DIP2B: variants seen among roughly 807,000 people sequenced by gnomAD.
The protein encoded by DIP2B is disco-interacting protein 2 homolog B.
Under a neutral mutation model 198.0 loss-of-function variants are expected in DIP2B, and 76 were observed. That is an observed-to-expected ratio of 0.38 (90% CI 0.32 to 0.46). The LOEUF (loss-of-function observed/expected upper bound fraction) is 0.46, where lower values mean the gene tolerates loss of function less well. Ranked by LOEUF, DIP2B falls within the 20% of genes least tolerant of loss-of-function variation. DIP2B has a pLI of 0.99. For synonymous variants in DIP2B, 701 were observed against 739.1 expected, an observed-to-expected ratio of 0.95 and a Z score of 0.84; for missense variants, 1,559 against 1,978.4, an observed-to-expected ratio of 0.79 and a Z score of 4.02.
At chr12:50,739,942 G>A (rs936216962) in intron 36 of DIP2B, among the ~76,000 whole-genome samples, 1 of 152,234 alleles carries the variant, frequency 6.6e-6, no homozygotes, top group Admixed American at 6.5e-5. Flanking sequence ...CACTTGGGGA[G>A]CAGGAGGAAT....
At chr12:50,568,575 T>C (rs1035646854) in intron 1 of DIP2B, among the ~76,000 whole-genome samples, 2 of 152,178 alleles carry the variant, frequency 1.3e-5, no homozygotes, top group African/African-American at 4.8e-5. Context: ...TCCTTGGGTC[T>C]AAGCCAGGAG....
intron 3 of DIP2B, among the ~76,000 whole-genome samples, chr12:50,649,641 G>A (rs1468594121): frequency 6.6e-6 from 1 of 152,160 alleles, no homozygotes; most frequent in African/African-American, 2.4e-5. Context: ...ATCACTTGAG[G>A]TCAGGAGTTC....
intron 1 of DIP2B, among the ~76,000 whole-genome samples, chr12:50,594,578 G>A (rs773585364): frequency 3.9e-5 from 6 of 152,178 alleles, no homozygotes; most frequent in Non-Finnish European, 7.4e-5. Flanking sequence ...AGCTTGGTAC[G>A]TGTATTACCT....
intron 1 of DIP2B, among the ~76,000 whole-genome samples, chr12:50,575,713 G>A (rs1381396860): frequency 6.6e-6 from 1 of 151,848 alleles, no homozygotes; most frequent in Non-Finnish European, 1.5e-5. Context: ...TAGGTCAGGG[G>A]TCAGCAAACT....
chr12:50,571,735 G>A (rs1191276882), intron 1 of DIP2B, among the ~76,000 whole-genome samples: 1 of 151,638 alleles, frequency 6.6e-6, no homozygotes, highest in Non-Finnish European at 1.5e-5. Flanking sequence ...TGTATTTTTA[G>A]TAGAGACAGG....
chr12:50,599,287 G>A (rs1593644705), intron 1 of DIP2B, among the ~76,000 whole-genome samples: 1 of 131,948 alleles, frequency 7.6e-6, no homozygotes, highest in Admixed American at 8.3e-5. Flanking sequence ...GTGAGACCCT[G>A]TCTCAAAAAA....
At chr12:50,664,836 G>GTTTTTTTTTT (rs1159665939) in intron 4 of DIP2B, among the ~76,000 whole-genome samples, 3 of 15,926 alleles carry the variant, frequency 1.9e-4, no homozygotes, top group African/African-American at 4.3e-4. Context: ...TTTGGTTTTT[G>GTTTTTTTTTT]TTTTTTTTTT....
At chr12:50,674,333 C>T in intron 5 of DIP2B, 141 bp from the exon 6 acceptor site, 1 of 853,316 alleles carries the variant, frequency 1.2e-6, no homozygotes, top group Non-Finnish European at 1.8e-6. Context: ...CTAATAGATT[C>T]TGATTTTTAA....
chr12:50,732,516 A>T lies in DIP2B; in HGVS notation c.3961A>T (p.Asn1321Tyr). 1 of 1,614,216 alleles carries T rather than the reference A, an allele frequency of 6.2e-7. No individual in the cohort carries two copies. Among genetic ancestry groups the T allele is most frequent in the Non-Finnish European group, 8.5e-7 (1 of 1,180,032 alleles). Residue 1321 changes from asparagine to tyrosine, a missense_variant, in exon 32 of 38, where the codon AAT becomes TAT. Transcript: ENST00000301180. ...AVSTTFGSRV[N>Y]VAICLQGTSG... ...CAGCACCACTTTTGGATCAAGAGTC[A>T]ATGTAGCAATATGTTTACAGGTGAC...
chr12:50,660,123 A>G lies in DIP2B; in HGVS notation c.302-71A>G, dbSNP rs529505156. ...TTTTTTTTAAACAATTGAGGCAGTG[A>G]TAGTTCAGCTCACAGTGGTAAACAC... On this transcript the variant is annotated intron_variant, in intron 3 of 37. Transcript: ENST00000301180. The G allele has an allele frequency of 2.0e-5, 27 of 1,334,448 alleles. No homozygotes were observed. The Admixed American group carries it at 5.1e-4, about 25-fold the overall frequency. The allele number at this position is 1,334,448 out of a possible 1,614,324, so 82.7% of individuals were successfully genotyped here.
chr12:50,717,411 G>A (rs1237869241), intron 23 of DIP2B, among the ~76,000 whole-genome samples: 3 of 141,504 alleles, frequency 2.1e-5, no homozygotes, highest in African/African-American at 8.0e-5. Context: ...TGTCGCCCAG[G>A]CTGGAGTGCA....
intron 1 of DIP2B, among the ~76,000 whole-genome samples, chr12:50,615,070 T>C (rs780291994): frequency 3.3e-5 from 5 of 152,212 alleles, no homozygotes; most frequent in Admixed American, 6.5e-5. Flanking sequence ...GTGATTGGTA[T>C]AGATACTATT....
At chr12:50,565,488 G>A (rs985763105) in intron 1 of DIP2B, among the ~76,000 whole-genome samples, 5 of 152,110 alleles carry the variant, frequency 3.3e-5, no homozygotes, top group Non-Finnish European at 7.3e-5. Context: ...AGTAGAGACG[G>A]GGTTTCACTG....
intron 28 of DIP2B, 70 bp from the exon 29 acceptor site, chr12:50,727,633 C>T: frequency 6.9e-7 from 1 of 1,440,988 alleles, no homozygotes; most frequent in South Asian, 1.2e-5. Context: ...CATAGCAAAG[C>T]CACAGAAGAG....
chr12:50,556,007 CTCT>C (rs140866669), intron 1 of DIP2B, among the ~76,000 whole-genome samples: 1,620 of 152,244 alleles, frequency 0.011, 32 homozygotes, highest in African/African-American at 0.037. Flanking sequence ...TGTCCTGCTT[CTCT>C]TCTTCTTGCT....
intron 1 of DIP2B, among the ~76,000 whole-genome samples, chr12:50,508,914 G>C (rs924090934): frequency 1.3e-5 from 2 of 151,986 alleles, no homozygotes; most frequent in Admixed American, 1.3e-4. Context: ...TGGTCAGGTG[G>C]GTCTCGATCT....
At chr12:50,617,828 G>C (rs1472129621) in intron 1 of DIP2B, among the ~76,000 whole-genome samples, 1 of 152,082 alleles carries the variant, frequency 6.6e-6, no homozygotes, top group African/African-American at 2.4e-5. Flanking sequence ...AAAGATGAAG[G>C]AGATTAAAAG....
chr12:50,712,222 G>A (rs1459041207), intron 22 of DIP2B, among the ~76,000 whole-genome samples: 1 of 152,054 alleles, frequency 6.6e-6, no homozygotes, highest in Non-Finnish European at 1.5e-5. Flanking sequence ...CTTTATAACT[G>A]TGGGTTCATT....
intron 4 of DIP2B, 113 bp downstream of exon 4, chr12:50,660,432 G>A (rs1592114924): frequency 8.0e-7 from 1 of 1,249,668 alleles, no homozygotes; most frequent in East Asian, 2.7e-5. Context: ...CGCCATTAGA[G>A]GAATGTAAGA....
Sources: gnomAD v4.1 joint callset for allele counts (sites outside exome capture counted in the v4.1 genomes callset) on GRCh38, gnomAD v4.1.1 for gene constraint, MANE v1.5 for transcripts, NCBI Gene and HGNC (gene_info 2026-07-23, HGNC 2026-07-21) for gene names.